COMMD9: variants seen among roughly 807,000 people sequenced by gnomAD.
COMMD9 encodes the protein COMM domain-containing protein 9.
COMMD9 carries 22 observed loss-of-function variants against 23.4 expected under a neutral mutation model. The ratio of observed to expected loss-of-function variants is 0.94; its 90% CI spans 0.67 to 1.34. COMMD9 has a LOEUF of 1.34. Among genes scored for constraint, COMMD9 ranks in the 40% most tolerant of loss-of-function variants. The pLI, the probability that COMMD9 is intolerant of heterozygous loss-of-function variation, is 0.00. For missense variants in COMMD9, 231 were observed against 240.2 expected (o/e 0.96, Z 0.25); for synonymous variants, 99 against 97.4 (o/e 1.02, Z -0.10).
intron 1 of COMMD9, among the ~76,000 whole-genome samples, chr11:36,281,609 C>T (rs904139711): frequency 2.0e-5 from 3 of 152,190 alleles, no homozygotes; most frequent in Non-Finnish European, 4.4e-5. Context: ...AAGTGGGGAA[C>T]CTGGACTTCA....
At chr11:36,288,730 G>T (rs930725613) in intron 1 of COMMD9, among the ~76,000 whole-genome samples, 3 of 152,072 alleles carry the variant, frequency 2.0e-5, no homozygotes, top group African/African-American at 7.3e-5. Context: ...AACTCGGGGG[G>T]CGGAGGTTGC....
At position 36,274,147 on chromosome 11, in the gene COMMD9, C is replaced by G. The variant is rs1300851224; in HGVS notation, c.*485G>C. The stretch of plus-strand genomic sequence containing the variant: ...CAGGGAACACTCTGGATGGACCATG[C>G]TCTGTGGGCTCTGCCTGGCTTCCCT... On this transcript the variant is annotated 3_prime_UTR_variant, in exon 6 of 6. Coordinates refer to ENST00000263401, the MANE Select transcript of COMMD9 (RefSeq NM_014186.4). 1.2e-5 allele frequency: 5 copies of G among 419,384 alleles called. No individual in the cohort carries two copies. The highest frequency in any genetic ancestry group is 5.3e-5 in the South Asian group (3 of 56,938). The allele number at this position is 419,384 out of a possible 1,614,324, so 26.0% of individuals were successfully genotyped here.
At chr11:36,277,870 G>A (rs1856001346) in intron 3 of COMMD9, among the ~76,000 whole-genome samples, 1 of 152,174 alleles carries the variant, frequency 6.6e-6, no homozygotes, top group South Asian at 2.1e-4. Flanking sequence ...GAAGGCGTAG[G>A]GAGAGGGGTA....
chr11:36,288,492 A>G (rs1565361781), intron 1 of COMMD9, among the ~76,000 whole-genome samples: 1 of 152,344 alleles, frequency 6.6e-6, no homozygotes, highest in South Asian at 2.1e-4. Flanking sequence ...CCTTTCTCCT[A>G]CAGGGCAAAT....
intron 2 of COMMD9, among the ~76,000 whole-genome samples, 159 bp downstream of exon 2, chr11:36,280,553 C>G (rs1856047957): frequency 1.3e-5 from 2 of 152,236 alleles, no homozygotes; most frequent in Admixed American, 1.3e-4. Flanking sequence ...AGCTCTGATT[C>G]TGGGTACAGT....
intron 1 of COMMD9, among the ~76,000 whole-genome samples, chr11:36,288,443 AT>A (rs1856209590): frequency 6.6e-6 from 1 of 152,156 alleles, no homozygotes; most frequent in African/African-American, 2.4e-5. Flanking sequence ...CAACGGGCAA[AT>A]AGCTAGCGAC....
At chr11:36,283,205 C>T (rs2133431180) in intron 1 of COMMD9, among the ~76,000 whole-genome samples, 1 of 152,298 alleles carries the variant, frequency 6.6e-6, no homozygotes, top group South Asian at 2.1e-4. Flanking sequence ...AGAAACAACG[C>T]TTCACCAACC....
At chr11:36,280,889 C>A in intron 1 of COMMD9, 52 bp from the exon 2 acceptor site, 1 of 1,491,044 alleles carries the variant, frequency 6.7e-7, no homozygotes, top group Non-Finnish European at 9.0e-7. Context: ...TCTGAAAACA[C>A]ATGTTTTGAG....
chr11:36,289,350 C>CG lies in COMMD9; in HGVS notation c.51+11_51+12insC. ...AGGGCCACCTCACGCTGTCCCCACCCCTTCGACTTACCTTGAGCAGGCTCT... is the reference window on the plus strand; with the variant it reads ...AGGGCCACCTCACGCTGTCCCCACCCGCTTCGACTTACCTTGAGCAGGCTCT... On this transcript the variant is annotated intron_variant, in intron 1 of 5. Coordinates refer to ENST00000263401, the MANE Select transcript of COMMD9 (RefSeq NM_014186.4). The CG allele has an allele frequency of 6.4e-7, 1 of 1,551,454 alleles. No homozygotes were observed. The highest frequency in any genetic ancestry group is 8.7e-7 in the Non-Finnish European group (1 of 1,146,820).
At chr11:36,288,555 C>T (rs1467327643) in intron 1 of COMMD9, among the ~76,000 whole-genome samples, 1 of 152,200 alleles carries the variant, frequency 6.6e-6, no homozygotes, top group African/African-American at 2.4e-5. Context: ...GTAATCCCAA[C>T]ACTTTGGAAG....
At position 36,274,223 on chromosome 11, in the gene COMMD9, T is replaced by C; in HGVS notation, c.*409A>G. ...TCACCTGTCCGATTCCCTCCATGTG[T>C]TCTGGGATTGGAAATGAACTAATTA... On this transcript the variant is annotated 3_prime_UTR_variant, in exon 6 of 6. Coordinates refer to ENST00000263401, the MANE Select transcript of COMMD9 (RefSeq NM_014186.4). 4.4e-6 allele frequency: 2 copies of C among 458,226 alleles called. No homozygotes were observed. Among genetic ancestry groups the C allele is most frequent in the Non-Finnish European group, 8.8e-6 (2 of 228,328 alleles). 28.4% of individuals were successfully genotyped at this position (458,226 alleles called of 1,614,324 possible). A position where few individuals can be genotyped will look rare whatever the true frequency, so the allele number is the denominator to read the frequency against.
intron 3 of COMMD9, 41 bp from the exon 4 acceptor site, chr11:36,277,164 G>A: frequency 1.3e-6 from 2 of 1,493,428 alleles, no homozygotes; most frequent in Non-Finnish European, 1.8e-6. Context: ...AATGGAAAGG[G>A]GATGAGACTG....
chr11:36,278,551 T>C lies in COMMD9; in HGVS notation c.243A>G (p.Ala81=), dbSNP rs1179965270. The C allele has an allele frequency of 1.9e-6, 3 of 1,614,100 alleles. No homozygotes were observed. The South Asian group carries it at 3.3e-5, about 18-fold the overall frequency. Residue 81 remains alanine (A), a synonymous_variant, in exon 3 of 6, where the codon GCA becomes GCG. Transcript: ENST00000263401. The part of the protein sequence containing the change: ...VAFRDLSSAE[A]ILALFPENFH... Reference sequence around the variant, plus strand: ...AATTTTCTGGAAAGAGAGCCAGAATTGCCTCGGCAGAGGACAGGTCACGGA... The same window carrying C: ...AATTTTCTGGAAAGAGAGCCAGAATCGCCTCGGCAGAGGACAGGTCACGGA...
At chr11:36,277,966 A>G (rs1041436245) in intron 3 of COMMD9, among the ~76,000 whole-genome samples, 11 of 152,226 alleles carry the variant, frequency 7.2e-5, no homozygotes, top group Admixed American at 5.9e-4. Context: ...CAAAATGTCC[A>G]TTACCTTTAA....
rs576515054 is a variant in COMMD9, at chr11:36,274,123, A to T, written c.*509T>A. 2.6e-5 allele frequency: 10 copies of T among 384,868 alleles called. No individual in the cohort carries two copies. The highest frequency in any genetic ancestry group is 1.1e-4 in the South Asian group (6 of 53,098). The allele number at this position is 384,868 out of a possible 1,614,324, so 23.8% of individuals were successfully genotyped here. On this transcript the variant is annotated 3_prime_UTR_variant, in exon 6 of 6. Coordinates refer to ENST00000263401, the MANE Select transcript of COMMD9 (RefSeq NM_014186.4). ...GGTTCCAGTATGGTGGAGGGGGCTCAGGGAACACTCTGGATGGACCATGCT... is the reference window on the plus strand; with the variant it reads ...GGTTCCAGTATGGTGGAGGGGGCTCTGGGAACACTCTGGATGGACCATGCT...
At chr11:36,286,756 T>C (rs769713411) in intron 1 of COMMD9, among the ~76,000 whole-genome samples, 25 of 152,236 alleles carry the variant, frequency 1.6e-4, no homozygotes, top group Non-Finnish European at 3.7e-4. Flanking sequence ...AAAGAACTAT[T>C]GATACACACA....
chr11:36,275,915 A>G (rs561644345), intron 5 of COMMD9, among the ~76,000 whole-genome samples: 37 of 152,330 alleles, frequency 2.4e-4, no homozygotes, highest in African/African-American at 8.7e-4. Context: ...GTATCAGCAA[A>G]TTATTTTAAA....
intron 1 of COMMD9, among the ~76,000 whole-genome samples, chr11:36,286,893 G>C (rs1230998565): frequency 1.3e-5 from 2 of 152,114 alleles, no homozygotes; most frequent in African/African-American, 4.8e-5. Context: ...AGGTTAAGGA[G>C]AGTGTGGCTA....
At chr11:36,278,244 C>A in intron 3 of COMMD9, 1 of 432,508 alleles carries the variant, frequency 2.3e-6, no homozygotes, top group Non-Finnish European at 4.1e-6. Flanking sequence ...AACAAAACAT[C>A]AACCTCTTAC....
Sources: allele counts gnomAD v4.1 joint callset (sites outside exome capture counted in the v4.1 genomes callset), GRCh38; gene constraint gnomAD v4.1.1; transcripts MANE v1.5; gene names NCBI Gene and HGNC (gene_info 2026-07-23, HGNC 2026-07-21).